Variants in TMEM260 observed in about 807,000 individuals in gnomAD.
The protein encoded by TMEM260 is transmembrane protein 260, also known as protein O-mannosyl-transferase TMEM260.
Under a neutral mutation model 88.9 loss-of-function variants are expected in TMEM260, and 82 were observed. That is an observed-to-expected ratio of 0.92 (90% CI 0.77 to 1.11). The LOEUF (loss-of-function observed/expected upper bound fraction) is 1.11, where lower values mean the gene tolerates loss of function less well. Ranked by LOEUF, TMEM260 falls within the 50% of genes least tolerant of loss-of-function variation. The pLI, the probability that TMEM260 is intolerant of heterozygous loss-of-function variation, is 0.00. For missense variants in TMEM260, 902 were observed against 853.4 expected, an observed-to-expected ratio of 1.06 and a Z score of -0.71; for synonymous variants, 314 against 309.3, an observed-to-expected ratio of 1.02 and a Z score of -0.16.
intron 11 of TMEM260, among the ~76,000 whole-genome samples, chr14:56,624,651 C>CT (rs892903441): frequency 2.1e-4 from 32 of 152,084 alleles, no homozygotes; most frequent in Admixed American, 8.5e-4. Context: ...AATACAGTGC[C>CT]TTTTTTCTAG....
chr14:56,595,188 C>T (rs1404424142), intron 3 of TMEM260, among the ~76,000 whole-genome samples: 1 of 152,166 alleles, frequency 6.6e-6, no homozygotes, highest in Non-Finnish European at 1.5e-5. Flanking sequence ...AAGTGTAAGA[C>T]TAGATATGCC....
intron 15 of TMEM260, among the ~76,000 whole-genome samples, chr14:56,644,992 C>A (rs1192407517): frequency 1.3e-5 from 2 of 151,694 alleles, no homozygotes; most frequent in South Asian, 2.1e-4. Context: ...AGTCAGGAAA[C>A]AACAGGTGCT....
chr14:56,643,612 C>T (rs1209002212), intron 15 of TMEM260, among the ~76,000 whole-genome samples: 1 of 152,108 alleles, frequency 6.6e-6, no homozygotes, highest in African/African-American at 2.4e-5. Context: ...GACAGGGATG[C>T]CCTCTCTCAC....
intron 4 of TMEM260, 107 bp downstream of exon 4, chr14:56,604,099 C>G (rs563867102): frequency 9.2e-7 from 1 of 1,092,580 alleles, no homozygotes; most frequent in South Asian, 1.9e-5. Flanking sequence ...TGATTACAGT[C>G]GGGATAATCT....
chr14:56,609,611 A>G (rs1309294023), intron 6 of TMEM260, among the ~76,000 whole-genome samples: 1 of 152,180 alleles, frequency 6.6e-6, no homozygotes, highest in Non-Finnish European at 1.5e-5. Flanking sequence ...GAATAAAACT[A>G]TTTGGAAAAG....
chr14:56,653,600 G>T (rs1435851671), downstream of TMEM260, among the ~76,000 whole-genome samples: 3 of 151,632 alleles, frequency 2.0e-5, no homozygotes, highest in East Asian at 3.9e-4. Flanking sequence ...TGGGCGAGGT[G>T]GTGCGCACCT....
chr14:56,612,024 T>G (rs1335239030), intron 6 of TMEM260, among the ~76,000 whole-genome samples: 3 of 152,168 alleles, frequency 2.0e-5, no homozygotes, highest in Admixed American at 2.0e-4. Context: ...AAACTACCTA[T>G]TGGGTACTAT....
chr14:56,605,490 A>T lies in TMEM260; in HGVS notation c.523-80A>T, dbSNP rs1054747594. 2.5e-5 allele frequency: 17 copies of T among 667,752 alleles called. No individual in the cohort carries two copies. In the African/African-American group the frequency reaches 3.2e-4, roughly 13 times the overall value. The allele number at this position is 667,752 out of a possible 1,614,324, so 41.4% of individuals were successfully genotyped here. A position where few individuals can be genotyped will look rare whatever the true frequency, so the allele number is the denominator to read the frequency against. On this transcript the variant is annotated intron_variant, in intron 4 of 15. Coordinates refer to ENST00000261556, the MANE Select transcript of TMEM260 (RefSeq NM_017799.4). The stretch of plus-strand genomic sequence containing the variant: ...AACATGATACGAATGCTTGGTTTTA[A>T]TATAAAAATGGCTTTTTATTATGTT...
At chr14:56,586,346 T>C (rs1009375035) in intron 3 of TMEM260, among the ~76,000 whole-genome samples, 10 of 152,190 alleles carry the variant, frequency 6.6e-5, no homozygotes, top group Non-Finnish European at 1.5e-4. Flanking sequence ...TTGTATACTT[T>C]CTGAAATAAG....
chr14:56,661,219 G>T, the TMEM260 span, among the ~76,000 whole-genome samples: 6 of 152,258 alleles, frequency 3.9e-5, no homozygotes, highest in Non-Finnish European at 8.8e-5. Flanking sequence ...CCTGGTGGTC[G>T]CCACCCCTCC....
downstream of TMEM260, among the ~76,000 whole-genome samples, chr14:56,653,065 AGGTGGATCACCTGAGAT>A (rs1890233982): frequency 6.6e-6 from 1 of 152,148 alleles, no homozygotes; most frequent in Non-Finnish European, 1.5e-5. Flanking sequence ...AGGCCAAGGC[AGGTGGATCACCTGAGAT>A]GAGGAGTTCA....
intron 3 of TMEM260, among the ~76,000 whole-genome samples, chr14:56,586,652 A>G (rs539089954): frequency 6.6e-6 from 1 of 152,104 alleles, no homozygotes; most frequent in Non-Finnish European, 1.5e-5. Flanking sequence ...CCAAATTAAA[A>G]CACTTCTTCT....
chr14:56,612,591 C>G, intron 7 of TMEM260: 1 of 317,510 alleles, frequency 3.1e-6, no homozygotes, highest in South Asian at 5.3e-5. Flanking sequence ...ATAATTTATA[C>G]CTAGTATAAT....
chr14:56,585,451 T>C (rs1594807124), intron 2 of TMEM260, among the ~76,000 whole-genome samples: 1 of 152,230 alleles, frequency 6.6e-6, no homozygotes, highest in Non-Finnish European at 1.5e-5. Flanking sequence ...CCTGCTTTTT[T>C]TCAATAGCCT....
intron 3 of TMEM260, among the ~76,000 whole-genome samples, chr14:56,602,045 T>C (rs1345904717): frequency 2.6e-5 from 4 of 152,210 alleles, no homozygotes; most frequent in Non-Finnish European, 4.4e-5. Flanking sequence ...AGTTCCTTTA[T>C]AAATGTTAGA....
chr14:56,647,134 C>T, intron 15 of TMEM260, 109 bp from the exon 16 acceptor site: 1 of 1,207,908 alleles, frequency 8.3e-7, no homozygotes, highest in Non-Finnish European at 1.1e-6. Flanking sequence ...TTACTGGAGG[C>T]TGCTTGAATT....
the TMEM260 span, among the ~76,000 whole-genome samples, chr14:56,659,037 C>A: frequency 6.6e-6 from 1 of 152,142 alleles, no homozygotes. Flanking sequence ...ACAAAAAATA[C>A]TATTATTAGA....
chr14:56,620,386 C>T (rs913792095), intron 10 of TMEM260, among the ~76,000 whole-genome samples: 3 of 152,158 alleles, frequency 2.0e-5, no homozygotes, highest in African/African-American at 7.2e-5. Context: ...GAAGGGGCTG[C>T]GTGTCCTGGA....
At chr14:56,662,123 A>G in the TMEM260 span, among the ~76,000 whole-genome samples, 4 of 152,234 alleles carry the variant, frequency 2.6e-5, no homozygotes, top group African/African-American at 7.2e-5. Context: ...TTTGGCTTCT[A>G]CATAGCTGCA....
Sources: allele counts gnomAD v4.1 joint callset (sites outside exome capture counted in the v4.1 genomes callset), GRCh38; gene constraint gnomAD v4.1.1; transcripts MANE v1.5; gene names NCBI Gene and HGNC (gene_info 2026-07-23, HGNC 2026-07-21).